IFIH1: variants seen among roughly 807,000 people sequenced by gnomAD.
The protein encoded by IFIH1 is interferon-induced helicase C domain-containing protein 1.
In IFIH1, 125 loss-of-function variants were observed where a neutral mutation model predicts 107.4. That is an observed-to-expected ratio of 1.16 (90% CI 1.01 to 1.35). IFIH1 has a LOEUF of 1.35. Among genes scored for constraint, IFIH1 ranks in the 40% most tolerant of loss-of-function variants. The pLI, the probability that IFIH1 is intolerant of heterozygous loss-of-function variation, is 0.00. For synonymous variants in IFIH1, 458 were observed against 413.2 expected, an observed-to-expected ratio of 1.11 and a Z score of -1.31; for missense variants, 1,333 against 1,213.7, an observed-to-expected ratio of 1.10 and a Z score of -1.46.
intron 3 of IFIH1, among the ~76,000 whole-genome samples, chr2:162,302,387 A>G (rs1174841007): frequency 6.6e-6 from 1 of 152,240 alleles, no homozygotes; most frequent in Non-Finnish European, 1.5e-5. Context: ...CTTTATACAC[A>G]TAAAAATCAT....
chr2:162,282,349 T>A lies in IFIH1; in HGVS notation c.1306+17A>T, dbSNP rs934810663. 4 of 1,524,616 alleles carry A rather than the reference T, an allele frequency of 2.6e-6. No individual in the cohort carries two copies. Among genetic ancestry groups the A allele is most frequent in the Admixed American group, 2.0e-5 (1 of 50,098 alleles). The allele number at this position is 1,524,616 out of a possible 1,614,324, so 94.4% of individuals were successfully genotyped here. ...ATTACTATTAATTTTTTTAAAAAAA[T>A]AAACACTTAAACTGACCTGACAATT... On this transcript the variant is annotated intron_variant, in intron 6 of 15. Coordinates refer to ENST00000649979, the MANE Select transcript of IFIH1 (RefSeq NM_022168.4).
chr2:162,314,153 T>A (rs747548522), intron 1 of IFIH1, among the ~76,000 whole-genome samples: 28 of 152,218 alleles, frequency 1.8e-4, no homozygotes, highest in Non-Finnish European at 3.5e-4. Context: ...TGCCAAGTTG[T>A]AACTTAGTTA....
In IFIH1 at chr2:162,310,958, A is replaced by C. The variant is rs368117337; in HGVS notation, c.454-25T>G. The C allele has an allele frequency of 4.0e-4, 628 of 1,584,042 alleles. 2 individuals are homozygous for C. Among genetic ancestry groups the C allele is most frequent in the Non-Finnish European group, 5.2e-4 (601 of 1,156,496 alleles). Reference sequence around the variant, plus strand: ...TCTGTTGTAAGAGAAAATTAGAATTAAGTAAGATCAAACATCTTCTGAATA... The same window carrying C: ...TCTGTTGTAAGAGAAAATTAGAATTCAGTAAGATCAAACATCTTCTGAATA... On this transcript the variant is annotated intron_variant, in intron 1 of 15. Transcript: ENST00000649979.
intron 5 of IFIH1, 48 bp downstream of exon 5, chr2:162,288,087 A>T: frequency 7.8e-7 from 1 of 1,279,236 alleles, no homozygotes; most frequent in East Asian, 2.3e-5. Flanking sequence ...AAAGTTTCAG[A>T]ATAATACAAT....
intron 4 of IFIH1, among the ~76,000 whole-genome samples, chr2:162,289,377 C>T (rs1001243098): frequency 2.7e-5 from 4 of 150,822 alleles, no homozygotes; most frequent in African/African-American, 9.7e-5. Flanking sequence ...ACCTATATTA[C>T]CAGGGGAAAA....
At chr2:162,275,683 G>A (rs1691138564) in intron 11 of IFIH1, among the ~76,000 whole-genome samples, 1 of 152,094 alleles carries the variant, frequency 6.6e-6, no homozygotes, top group African/African-American at 2.4e-5. Flanking sequence ...ATAATAGAAA[G>A]GAAGTATCCA....
chr2:162,309,045 G>A (rs1683343202), intron 2 of IFIH1, among the ~76,000 whole-genome samples: 1 of 152,178 alleles, frequency 6.6e-6, no homozygotes, highest in Non-Finnish European at 1.5e-5. Context: ...GACAGGCATA[G>A]GATGGACGTC....
intron 3 of IFIH1, among the ~76,000 whole-genome samples, chr2:162,294,454 A>G (rs1683050033): frequency 6.6e-6 from 1 of 151,950 alleles, no homozygotes; most frequent in Non-Finnish European, 1.5e-5. Flanking sequence ...CAAGCACCAG[A>G]ACTATCGTTA....
chr2:162,313,893 T>C (rs1576240485), intron 1 of IFIH1, among the ~76,000 whole-genome samples: 3 of 152,308 alleles, frequency 2.0e-5, no homozygotes, highest in East Asian at 3.9e-4. Flanking sequence ...GGAGATTGAC[T>C]TGGGTGCTCA....
At chr2:162,272,151 G>T in intron 13 of IFIH1, 75 bp downstream of exon 13, 1 of 1,197,182 alleles carries the variant, frequency 8.4e-7, no homozygotes. Context: ...TGGAGAATGA[G>T]TCACAGAGAT....
At chr2:162,301,257 A>G (rs1220856010) in intron 3 of IFIH1, among the ~76,000 whole-genome samples, 1 of 152,212 alleles carries the variant, frequency 6.6e-6, no homozygotes, top group Non-Finnish European at 1.5e-5. Context: ...ATCAAAATAT[A>G]CACATGCAAT....
intron 5 of IFIH1, among the ~76,000 whole-genome samples, chr2:162,283,324 T>C (rs138798142): frequency 7.2e-5 from 11 of 152,080 alleles, no homozygotes; most frequent in African/African-American, 2.6e-4. Context: ...AACCCGAAAG[T>C]AGACCTGGCA....
chr2:162,279,950 G>T, intron 8 of IFIH1, 46 bp downstream of exon 8: 1 of 988,830 alleles, frequency 1.0e-6, no homozygotes, highest in Non-Finnish European at 1.6e-6. Flanking sequence ...TCTTTCTACT[G>T]AATGTAGTAT....
intron 3 of IFIH1, among the ~76,000 whole-genome samples, chr2:162,306,435 T>TAAGTATA (rs1683281441): frequency 6.6e-6 from 1 of 152,214 alleles, no homozygotes; most frequent in Admixed American, 6.5e-5. Flanking sequence ...TATAAGGCAT[T>TAAGTATA]CTTATACTTA....
At chr2:162,297,598 T>C (rs1683115276) in intron 3 of IFIH1, among the ~76,000 whole-genome samples, 1 of 152,182 alleles carries the variant, frequency 6.6e-6, no homozygotes, top group African/African-American at 2.4e-5. Context: ...TTAAAAGGGC[T>C]TTGAATATTG....
intron 11 of IFIH1, among the ~76,000 whole-genome samples, chr2:162,276,371 G>A (rs1028440670): frequency 2.6e-5 from 4 of 152,186 alleles, no homozygotes; most frequent in Admixed American, 6.5e-5. Context: ...GGAAGGCAGA[G>A]GCAGAAGGAT....
intron 1 of IFIH1, among the ~76,000 whole-genome samples, chr2:162,313,731 T>A (rs1258621546): frequency 6.6e-6 from 1 of 152,256 alleles, no homozygotes; most frequent in Non-Finnish European, 1.5e-5. Flanking sequence ...TAAAAAAGAA[T>A]TTTAAAGAAC....
At position 162,318,559 on chromosome 2, in the gene IFIH1, G is replaced by C. The variant is rs1683562460; in HGVS notation, c.-252C>G. 3.9e-6 allele frequency: 1 copy of C among 255,476 alleles called. No homozygotes were observed. Among genetic ancestry groups the C allele is most frequent in the East Asian group, 8.0e-5 (1 of 12,434 alleles). 15.8% of individuals were successfully genotyped at this position (255,476 alleles called of 1,614,324 possible). A position where few individuals can be genotyped will look rare whatever the true frequency, so the allele number is the denominator to read the frequency against. ...CGCGGGGCCGCGGCAGGCAGGTGCG[G>C]CCGGCAGGCGCGGCACTTTGGACTC... On this transcript the variant is annotated 5_prime_UTR_variant, in exon 1 of 16. Transcript: ENST00000649979.
At chr2:162,303,724 T>C (rs1321315925) in intron 3 of IFIH1, among the ~76,000 whole-genome samples, 2 of 152,104 alleles carry the variant, frequency 1.3e-5, no homozygotes, top group African/African-American at 4.8e-5. Flanking sequence ...TTTCACAAGA[T>C]ACATCTTTAA....
Sources: gnomAD v4.1 joint callset for allele counts (sites outside exome capture counted in the v4.1 genomes callset) on GRCh38, gnomAD v4.1.1 for gene constraint, MANE v1.5 for transcripts, NCBI Gene and HGNC (gene_info 2026-07-23, HGNC 2026-07-21) for gene names.